Variants in CDH18 observed in about 807,000 individuals in gnomAD.
CDH18 encodes the protein cadherin-18.
Under a neutral mutation model 67.9 loss-of-function variants are expected in CDH18, and 31 were observed. The ratio of observed to expected loss-of-function variants is 0.46; its 90% CI spans 0.34 to 0.62. CDH18 has a LOEUF of 0.62. CDH18 is among the 20% of genes least tolerant of loss of function. CDH18 has a pLI of 0.01. For missense variants in CDH18, 890 were observed against 975.5 expected, an observed-to-expected ratio of 0.91 and a Z score of 1.17; for synonymous variants, 362 against 347.2, an observed-to-expected ratio of 1.04 and a Z score of -0.48.
chr5:20,116,132 A>C (rs771572772), intron 2 of CDH18, among the ~76,000 whole-genome samples: 2 of 152,150 alleles, frequency 1.3e-5, no homozygotes, highest in African/African-American at 4.8e-5. Context: ...GAATGAACAG[A>C]GTATGTGAGG....
chr5:20,287,736 G>T (rs780372479), intron 1 of CDH18, among the ~76,000 whole-genome samples: 1 of 151,308 alleles, frequency 6.6e-6, no homozygotes, highest in Non-Finnish European at 1.5e-5. Flanking sequence ...TAACTTGAAT[G>T]ATTTATTTTT....
At chr5:19,702,538 G>A (rs1270673386) in intron 5 of CDH18, among the ~76,000 whole-genome samples, 1 of 151,814 alleles carries the variant, frequency 6.6e-6, no homozygotes, top group African/African-American at 2.4e-5. Flanking sequence ...GTCCAAGACA[G>A]GTTGATCAGC....
intron 2 of CDH18, among the ~76,000 whole-genome samples, chr5:20,198,786 C>T (rs576880013): frequency 1.9e-4 from 29 of 152,168 alleles, no homozygotes; most frequent in Non-Finnish European, 2.4e-4. Context: ...GCCCAGGGCC[C>T]GCCTGCTGTG....
chr5:19,536,478 G>C (rs76991405), intron 9 of CDH18, among the ~76,000 whole-genome samples: 2 of 152,176 alleles, frequency 1.3e-5, no homozygotes, highest in Non-Finnish European at 2.9e-5. Context: ...TGAAAACAGA[G>C]AGGGCTGAGT....
At chr5:20,257,070 C>T (rs1018488496) in intron 1 of CDH18, among the ~76,000 whole-genome samples, 10 of 151,994 alleles carry the variant, frequency 6.6e-5, no homozygotes, top group Admixed American at 1.3e-4. Context: ...ACACATAGTA[C>T]TCATAAGCTT....
intron 1 of CDH18, among the ~76,000 whole-genome samples, chr5:20,310,181 C>T (rs1246288682): frequency 6.6e-5 from 10 of 152,136 alleles, no homozygotes; most frequent in South Asian, 4.1e-4. Context: ...GGGTGTTCTA[C>T]GAGGTTTAAC....
At chr5:20,149,791 A>T (rs994232234) in intron 2 of CDH18, among the ~76,000 whole-genome samples, 1 of 152,162 alleles carries the variant, frequency 6.6e-6, no homozygotes, top group East Asian at 1.9e-4. Flanking sequence ...ACATTTTCTC[A>T]TAATTTCTTT....
intron 5 of CDH18, among the ~76,000 whole-genome samples, chr5:19,658,156 A>G (rs1756654951): frequency 6.6e-6 from 1 of 152,046 alleles, no homozygotes; most frequent in Non-Finnish European, 1.5e-5. Flanking sequence ...TTTCTTGTAC[A>G]TTTTTAAAAT....
chr5:19,756,704 T>C (rs1266116693), intron 3 of CDH18, among the ~76,000 whole-genome samples: 1 of 152,226 alleles, frequency 6.6e-6, no homozygotes, highest in African/African-American at 2.4e-5. Flanking sequence ...CAGTCTTAAC[T>C]TATAGTTCAA....
intron 2 of CDH18, among the ~76,000 whole-genome samples, chr5:20,227,060 T>C (rs1741690163): frequency 6.6e-6 from 1 of 152,106 alleles, no homozygotes; most frequent in Non-Finnish European, 1.5e-5. Flanking sequence ...TCACCTCTTT[T>C]TTTGCCCAAA....
rs1280545697 is a variant in CDH18 at position 20,114,927 on chromosome 5, T to A, written c.-517-122913A>T. Among the ~76,000 whole-genome samples the A allele has an allele frequency of 2.6e-5, 4 of 152,188 alleles. No individual in the cohort carries two copies. In the East Asian group the frequency reaches 5.8e-4, roughly 22 times the overall value. The stretch of plus-strand genomic sequence containing the variant: ...TAGTAGAGGAGAAGAGGTGGGGCTA[T>A]ATCACCTATTAAGAAGGGGTAGGTC... On this transcript the variant is annotated intron_variant, in intron 2 of 14. Coordinates refer to the CDH18 transcript ENST00000507958.
chr5:20,470,552 G>A (rs1751977038), intron 1 of CDH18, among the ~76,000 whole-genome samples: 1 of 151,948 alleles, frequency 6.6e-6, no homozygotes, highest in Non-Finnish European at 1.5e-5. Flanking sequence ...TTCCAAATTT[G>A]CTGAGAAATA....
rs768794627 is a variant in CDH18 at position 19,543,955 on chromosome 5, G to A, written c.1304C>T (p.Ala435Val). 1.9e-6 allele frequency: 3 copies of A among 1,593,080 alleles called. No homozygotes were observed. Among genetic ancestry groups the A allele is most frequent in the Admixed American group, 1.7e-5 (1 of 59,752 alleles). Residue 435 changes from alanine to valine, a missense_variant, in exon 9 of 13, where the codon GCC becomes GTC. This residue lies in a region of CDH18 where 656 missense variants were observed against 668.1 expected (regional missense o/e 0.98). Coordinates refer to ENST00000382275, the MANE Select transcript of CDH18 (RefSeq NM_004934.5). ...TGTAGTCCTAATGGTCCCAGTATTG[G>A]CATCAATGTTGAAAAATCTGTCGTC... ...VEDDRFFNID[A>V]NTGTIRTTKV... is the part of the protein sequence containing the mutation.
intron 2 of CDH18, among the ~76,000 whole-genome samples, chr5:20,197,999 C>G (rs1349330325): frequency 6.6e-6 from 1 of 152,094 alleles, no homozygotes; most frequent in East Asian, 1.9e-4. Flanking sequence ...GGGCTTCCCC[C>G]TTAAGTGGGC....
intron 1 of CDH18, among the ~76,000 whole-genome samples, chr5:20,282,494 C>T (rs1387226548): frequency 6.6e-6 from 1 of 151,992 alleles, no homozygotes; most frequent in Non-Finnish European, 1.5e-5. Flanking sequence ...CTCGTTGGTT[C>T]TGTTTATATG....
chr5:19,896,426 C>T (rs982211399), intron 2 of CDH18, among the ~76,000 whole-genome samples: 1 of 152,064 alleles, frequency 6.6e-6, no homozygotes, highest in Non-Finnish European at 1.5e-5. Context: ...CCATCATAAA[C>T]CTCCTTCTAA....
intron 1 of CDH18, among the ~76,000 whole-genome samples, chr5:20,501,546 TTATATATATAATA>T (rs1384304692): frequency 0.024 from 565 of 23,068 alleles, 17 homozygotes; most frequent in African/African-American, 0.046. Context: ...TATATACATA[TTATATATATAATA>T]TATATATATA....
intron 2 of CDH18, among the ~76,000 whole-genome samples, chr5:20,180,973 T>C (rs1194103202): frequency 6.6e-6 from 1 of 152,196 alleles, no homozygotes; most frequent in African/African-American, 2.4e-5. Flanking sequence ...TTCTGTTTCC[T>C]TCACTCATGC....
intron 5 of CDH18, among the ~76,000 whole-genome samples, chr5:19,617,314 A>G (rs146057977): frequency 2.6e-5 from 4 of 152,348 alleles, no homozygotes; most frequent in African/African-American, 9.6e-5. Flanking sequence ...CTATATAGAC[A>G]TAGTCCAAGT....
Sources: allele counts gnomAD v4.1 joint callset (sites outside exome capture counted in the v4.1 genomes callset), GRCh38; gene constraint gnomAD v4.1.1; regional missense constraint gnomAD v4.1.1; transcripts MANE v1.5; gene names NCBI Gene and HGNC (gene_info 2026-07-23, HGNC 2026-07-21).